Variants in PCDHA3 observed in about 807,000 individuals in gnomAD.
PCDHA3 encodes protocadherin alpha 3, also known as protocadherin alpha-3.
PCDHA3 carries 41 observed loss-of-function variants against 62.2 expected under a neutral mutation model. The observed-to-expected ratio is 0.66, with a 90% CI of 0.51 to 0.86. The LOEUF (loss-of-function observed/expected upper bound fraction) is 0.86, where lower values mean the gene tolerates loss of function less well. PCDHA3 is among the 40% of genes least tolerant of loss of function. The pLI is 0.00. For synonymous variants in PCDHA3, 640 were observed against 555.4 expected (o/e 1.15, Z -2.14); for missense variants, 1,304 against 1,241.2 (o/e 1.05, Z -0.76).
intron 1 of PCDHA3, chr5:140,857,682 G>T (rs1554150517): frequency 2.5e-6 from 4 of 1,596,980 alleles, no homozygotes; most frequent in Middle Eastern, 1.8e-4. Context: ...CCGCCTCTGG[G>T]CAGCAACTTG....
Position 140,847,480 on chromosome 5 carries a change from A to T in PCDHA3, c.2394+43889A>T, listed in dbSNP as rs956174108. Reference sequence around the variant, plus strand: ...ATTAATCGACTTGGACGTTGGAATAAGATAGTAAAACTCACAACAAAACTT... The same window carrying T: ...ATTAATCGACTTGGACGTTGGAATATGATAGTAAAACTCACAACAAAACTT... On this transcript the variant is annotated intron_variant, in intron 1 of 3. Transcript: ENST00000522353. 2 of 149,954 alleles carry T rather than the reference A, an allele frequency of 1.3e-5. 1 individual carries two copies. The highest frequency in any genetic ancestry group is 3.0e-5 in the Non-Finnish European group (2 of 67,004). The allele number at this position is 149,954 out of a possible 1,614,324, so 9.3% of individuals were successfully genotyped here.
Position 140,877,714 on chromosome 5 carries a change from T to G in PCDHA3, c.2394+74123T>G, listed in dbSNP as rs781999747. 3.1e-6 allele frequency: 5 copies of G among 1,613,836 alleles called. No homozygotes were observed. The highest frequency in any genetic ancestry group is 4.2e-6 in the Non-Finnish European group (5 of 1,179,978). ...GGTGTGCTCCAGCGCCGTGGGGAGTTGGTCTTACTCGCAGCAGAGGAGGCA... is the reference window on the plus strand; with the variant it reads ...GGTGTGCTCCAGCGCCGTGGGGAGTGGGTCTTACTCGCAGCAGAGGAGGCA... On this transcript the variant is annotated intron_variant, in intron 1 of 3. Coordinates refer to ENST00000522353, the MANE Select transcript of PCDHA3 (RefSeq NM_018906.3).
intron 1 of PCDHA3, chr5:140,875,323 A>G: frequency 2.1e-6 from 3 of 1,427,940 alleles, no homozygotes; most frequent in South Asian, 3.2e-5. Flanking sequence ...CCAATCATTC[A>G]CGGAATAGGA....
intron 1 of PCDHA3, among the ~76,000 whole-genome samples, chr5:140,902,664 A>G (rs2069638514): frequency 6.6e-6 from 1 of 152,128 alleles, no homozygotes. Context: ...CTGTCACCCA[A>G]GCAGTGTACA....
Position 140,947,771 on chromosome 5 carries a change from T to C in PCDHA3, c.2395-31178T>C, listed in dbSNP as rs1167163964. ...TATTTTATGGTTTAAAAAATTCTAT[T>C]GTAAATGGATTTTAAACAGACTTTT... On this transcript the variant is annotated intron_variant, in intron 1 of 3. Transcript: ENST00000522353. 2.6e-5 allele frequency among the ~76,000 whole-genome samples: 4 copies of C among 151,706 alleles called. No individual in the cohort carries two copies. The East Asian group carries it at 5.8e-4, about 22-fold the overall frequency.
At chr5:140,856,076 G>T in intron 1 of PCDHA3, 1 of 1,593,874 alleles carries the variant, frequency 6.3e-7, no homozygotes, top group Non-Finnish European at 8.6e-7. Flanking sequence ...CTGCCTGGGG[G>T]TCCAGTGTCT....
chr5:141,004,948 C>G (rs1356526927), intron 3 of PCDHA3, among the ~76,000 whole-genome samples: 1 of 152,236 alleles, frequency 6.6e-6, no homozygotes, highest in Non-Finnish European at 1.5e-5. Context: ...TTCTTACCCT[C>G]TCTCGTCACT....
chr5:140,870,090 G>A, intron 1 of PCDHA3: 3 of 1,613,854 alleles, frequency 1.9e-6, no homozygotes, highest in South Asian at 2.2e-5. Flanking sequence ...CTCCCCCAAT[G>A]GCAGGTCACT....
intron 1 of PCDHA3, chr5:140,830,073 C>T (rs2150180623): frequency 6.2e-7 from 1 of 1,613,470 alleles, no homozygotes; most frequent in African/African-American, 1.3e-5. Flanking sequence ...GCGCTGACAG[C>T]GACGGCCACG....
intron 1 of PCDHA3, among the ~76,000 whole-genome samples, chr5:140,897,728 A>G (rs1554187548): frequency 6.6e-6 from 1 of 152,092 alleles, no homozygotes; most frequent in Non-Finnish European, 1.5e-5. Flanking sequence ...TGGGTCAAAT[A>G]GTATTTCTAG....
At chr5:140,824,259 T>A in intron 1 of PCDHA3, 2 of 1,319,982 alleles carry the variant, frequency 1.5e-6, no homozygotes, top group South Asian at 2.6e-5. Flanking sequence ...ATTATTGCAC[T>A]AATTCATGTA....
intron 1 of PCDHA3, among the ~76,000 whole-genome samples, chr5:140,900,088 G>C (rs545975836): frequency 6.6e-6 from 1 of 152,240 alleles, no homozygotes; most frequent in African/African-American, 2.4e-5. Context: ...GCAGTTACAA[G>C]CATGCGCCAC....
chr5:140,965,879 G>C (rs920261632), intron 1 of PCDHA3, among the ~76,000 whole-genome samples: 1 of 152,216 alleles, frequency 6.6e-6, no homozygotes, highest in Non-Finnish European at 1.5e-5. Flanking sequence ...ACTTGGCCGA[G>C]AGCAGAATTG....
chr5:140,908,268 A>G (rs1401852970), intron 1 of PCDHA3, among the ~76,000 whole-genome samples: 4 of 152,284 alleles, frequency 2.6e-5, no homozygotes, highest in African/African-American at 9.6e-5. Context: ...GGAACTCCCC[A>G]TGAGGCCATT....
At chr5:140,872,598 A>G (rs1211346027) in intron 1 of PCDHA3, among the ~76,000 whole-genome samples, 1 of 152,158 alleles carries the variant, frequency 6.6e-6, no homozygotes, top group African/African-American at 2.4e-5. Context: ...CCCCCATCTG[A>G]AAAAATAATT....
chr5:140,867,664 C>T (rs2050091732), intron 1 of PCDHA3: 1 of 152,076 alleles, frequency 6.6e-6, no homozygotes, highest in African/African-American at 2.4e-5. Flanking sequence ...TCACTTTCTA[C>T]TCTAAAATTT....
At chr5:140,850,470 C>T (rs2041624410) in intron 1 of PCDHA3, 2 of 1,597,978 alleles carry the variant, frequency 1.3e-6, no homozygotes, top group East Asian at 4.5e-5. Context: ...GGAGCCAGCG[C>T]TGACGGCCAC....
intron 1 of PCDHA3, chr5:140,829,960 C>T: frequency 1.2e-6 from 2 of 1,613,984 alleles, no homozygotes; most frequent in South Asian, 1.1e-5. Flanking sequence ...TCCCGTTTCG[C>T]GTGGGGCTGT....
chr5:140,907,433 G>A (rs1006736760), intron 1 of PCDHA3, among the ~76,000 whole-genome samples: 5 of 152,246 alleles, frequency 3.3e-5, no homozygotes, highest in Admixed American at 1.3e-4. Context: ...GGCATTCTGT[G>A]AGTCCACAGA....
Sources: gnomAD v4.1 joint callset for allele counts (sites outside exome capture counted in the v4.1 genomes callset) on GRCh38, gnomAD v4.1.1 for gene constraint, MANE v1.5 for transcripts, NCBI Gene and HGNC (gene_info 2026-07-23, HGNC 2026-07-21) for gene names.